Variants in SORBS2 observed in about 807,000 individuals in gnomAD.
SORBS2 encodes sorbin and SH3 domain-containing protein 2.
Under a neutral mutation model 97.7 loss-of-function variants are expected in SORBS2, and 46 were observed. The ratio of observed to expected loss-of-function variants is 0.47; its 90% CI spans 0.37 to 0.60. The LOEUF is 0.60. SORBS2 is among the 20% of genes least tolerant of loss of function. The probability of loss-of-function intolerance (pLI) is 0.00; values close to 1 mark genes in which losing one functional copy is unlikely to be tolerated. For synonymous variants in SORBS2, 476 were observed against 473.4 expected (o/e 1.01, Z -0.07); for missense variants, 1,316 against 1,282.3 (o/e 1.03, Z -0.40).
chr4:185,670,581 A>G (rs560895057), intron 4 of SORBS2, among the ~76,000 whole-genome samples: 10 of 151,588 alleles, frequency 6.6e-5, no homozygotes, highest in Non-Finnish European at 8.8e-5. Flanking sequence ...ATAGTAATTT[A>G]CTTGAAAAGA....
chr4:185,610,588 T>A (rs2096520092), intron 12 of SORBS2, among the ~76,000 whole-genome samples: 1 of 152,094 alleles, frequency 6.6e-6, no homozygotes, highest in African/African-American at 2.4e-5. Flanking sequence ...AAAAAATGCC[T>A]CTCTTAAGAT....
At chr4:185,596,826 C>T (rs1404841294) in intron 12 of SORBS2, among the ~76,000 whole-genome samples, 1 of 151,912 alleles carries the variant, frequency 6.6e-6, no homozygotes, top group Non-Finnish European at 1.5e-5. Flanking sequence ...AGTCACTGCG[C>T]CCGGCCCCCG....
intron 1 of SORBS2, among the ~76,000 whole-genome samples, chr4:185,784,428 C>A (rs1189929804): frequency 6.6e-6 from 1 of 152,196 alleles, no homozygotes; most frequent in African/African-American, 2.4e-5. Flanking sequence ...CCGCGCCAGG[C>A]TGTCCTTTTC....
At chr4:185,734,577 T>C (rs1283741615) in intron 2 of SORBS2, among the ~76,000 whole-genome samples, 1 of 152,154 alleles carries the variant, frequency 6.6e-6, no homozygotes, top group East Asian at 1.9e-4. Context: ...TTTAATAGAA[T>C]GGAAGGGTGC....
rs535758062 is a variant in SORBS2, at chr4:185,596,817, G to A, written c.2797-2882C>T. ...TAAAGTGCTGGGATTACAGGCGTGAGTCACTGCGCCCGGCCCCCGTCCTTG... is the reference window on the plus strand; with the variant it reads ...TAAAGTGCTGGGATTACAGGCGTGAATCACTGCGCCCGGCCCCCGTCCTTG... On this transcript the variant is annotated intron_variant, in intron 12 of 14. Coordinates refer to ENST00000418609, the Ensembl canonical transcript of SORBS2. Among the ~76,000 whole-genome samples, 7 of 152,248 alleles carry A rather than the reference G, an allele frequency of 4.6e-5. No individual in the cohort carries two copies. The East Asian group carries it at 1.3e-3, about 29-fold the overall frequency.
At chr4:185,773,543 C>G (rs1041104790) in intron 2 of SORBS2, 1 of 149,176 alleles carries the variant, frequency 6.7e-6, no homozygotes, top group African/African-American at 2.5e-5. Flanking sequence ...CCTGTGGCCA[C>G]TTGCGTTTGT....
At chr4:185,631,213 T>C (rs963010366) in intron 4 of SORBS2, among the ~76,000 whole-genome samples, 1 of 152,190 alleles carries the variant, frequency 6.6e-6, no homozygotes, top group Non-Finnish European at 1.5e-5. Flanking sequence ...TAGTTATACT[T>C]TTACAATTAG....
intron 1 of SORBS2, among the ~76,000 whole-genome samples, chr4:185,906,246 T>G (rs1211373405): frequency 6.6e-6 from 1 of 152,138 alleles, no homozygotes; most frequent in Non-Finnish European, 1.5e-5. Context: ...TTGCTCAGGC[T>G]GGTCTCAAAC....
At chr4:185,856,400 C>T (rs1022873737) in intron 1 of SORBS2, among the ~76,000 whole-genome samples, 11 of 152,158 alleles carry the variant, frequency 7.2e-5, no homozygotes, top group African/African-American at 2.4e-4. Context: ...AATATGCCTA[C>T]ACCTCTGCCT....
At chr4:185,781,964 C>T (rs779148098) in intron 1 of SORBS2, among the ~76,000 whole-genome samples, 10 of 152,220 alleles carry the variant, frequency 6.6e-5, no homozygotes, top group Admixed American at 5.9e-4. Flanking sequence ...AGTAATTGAT[C>T]GGAGCCCCTC....
intron 2 of SORBS2, among the ~76,000 whole-genome samples, chr4:185,679,424 T>A (rs562650603): frequency 6.6e-6 from 1 of 152,240 alleles, no homozygotes; most frequent in Non-Finnish European, 1.5e-5. Context: ...TTTCAGCTAG[T>A]AAGCTGTGGA....
intron 1 of SORBS2, among the ~76,000 whole-genome samples, chr4:185,857,471 T>C (rs548682835): frequency 6.6e-6 from 1 of 152,282 alleles, no homozygotes; most frequent in South Asian, 2.1e-4. Flanking sequence ...CAATATGAAA[T>C]CTGATTGTAA....
intron 12 of SORBS2, among the ~76,000 whole-genome samples, chr4:185,601,148 C>T (rs148313972): frequency 6.6e-6 from 1 of 152,212 alleles, no homozygotes; most frequent in African/African-American, 2.4e-5. Flanking sequence ...ACCTCAAATC[C>T]CCAGCCTCTC....
intron 4 of SORBS2, among the ~76,000 whole-genome samples, chr4:185,636,648 ATTTTT>A (rs1228463050): frequency 2.2e-5 from 3 of 134,004 alleles, no homozygotes; most frequent in African/African-American, 8.3e-5. Flanking sequence ...CCAGTTGACT[ATTTTT>A]TTTTTTTTTT....
chr4:185,662,331 C>T, intron 4 of SORBS2, 89 bp from the exon 8 acceptor site: 1 of 1,309,988 alleles, frequency 7.6e-7, no homozygotes, highest in Non-Finnish European at 1.1e-6. Flanking sequence ...GACTTCCAAT[C>T]ACATGAGAGT....
chr4:185,835,339 A>C (rs2099207428), intron 1 of SORBS2, among the ~76,000 whole-genome samples: 1 of 152,258 alleles, frequency 6.6e-6, no homozygotes, highest in African/African-American at 2.4e-5. Context: ...TAGAATTTAA[A>C]ATTTAAAATG....
At chr4:185,910,616 T>C (rs1034596930) in intron 1 of SORBS2, among the ~76,000 whole-genome samples, 1 of 152,208 alleles carries the variant, frequency 6.6e-6, no homozygotes, top group Admixed American at 6.5e-5. Flanking sequence ...GGCTCAATCA[T>C]GGCTCACTGC....
chr4:185,680,698 G>C (rs79318606), intron 2 of SORBS2, among the ~76,000 whole-genome samples: 2,444 of 152,236 alleles, frequency 0.016, 68 homozygotes, highest in African/African-American at 0.057. Flanking sequence ...CGCTGGGGAC[G>C]AGGTAATGGG....
Position 185,587,827 on chromosome 4 carries a change from T to C in SORBS2, c.2954-139A>G. 3 of 677,612 alleles carry C rather than the reference T, an allele frequency of 4.4e-6. No individual in the cohort carries two copies. The South Asian group carries it at 5.1e-5, about 12-fold the overall frequency. The allele number at this position is 677,612 out of a possible 1,614,324, so 42.0% of individuals were successfully genotyped here. A position where few individuals can be genotyped will look rare whatever the true frequency, so the allele number is the denominator to read the frequency against. On this transcript the variant is annotated intron_variant, in intron 14 of 14. Transcript: ENST00000418609. Reference sequence around the variant, plus strand: ...TGGAAAAGAAGGCAGGCAACTCACATGAAGCCCATAGGCAGACAAAATAAG... The same window carrying C: ...TGGAAAAGAAGGCAGGCAACTCACACGAAGCCCATAGGCAGACAAAATAAG...
Sources: gnomAD v4.1 joint callset for allele counts (sites outside exome capture counted in the v4.1 genomes callset) on GRCh38, gnomAD v4.1.1 for gene constraint, MANE v1.5 for transcripts, NCBI Gene and HGNC (gene_info 2026-07-23, HGNC 2026-07-21) for gene names.